TMEM132D: variants seen among roughly 807,000 people sequenced by gnomAD.
TMEM132D encodes the protein mature OL transmembrane protein.
Under a neutral mutation model 62.3 loss-of-function variants are expected in TMEM132D, and 21 were observed. The observed-to-expected ratio is 0.34, with a 90% CI of 0.24 to 0.49. TMEM132D has a LOEUF of 0.49. Among genes scored for constraint, TMEM132D ranks in the 20% least tolerant of loss-of-function variants. The pLI, the probability that TMEM132D is intolerant of heterozygous loss-of-function variation, is 0.99. For synonymous variants in TMEM132D, 621 were observed against 575.6 expected (o/e 1.08, Z -1.13); for missense variants, 1,346 against 1,402.8 (o/e 0.96, Z 0.65).
Position 129,450,430 on chromosome 12 carries a change from C to T in TMEM132D, c.1115+80629G>A, listed in dbSNP as rs563737256. Among the ~76,000 whole-genome samples the T allele has an allele frequency of 5.9e-5, 9 of 152,180 alleles. No individual in the cohort carries two copies. In the South Asian group the frequency reaches 1.9e-3, roughly 32 times the overall value. On this transcript the variant is annotated intron_variant, in intron 3 of 8. Transcript: ENST00000422113. ...TCGTAAGTTTATCTATGTAACAAAC[C>T]TGTACTTGCACCCCTGAACTTAAAA...
intron 1 of TMEM132D, among the ~76,000 whole-genome samples, chr12:129,898,934 A>G (rs567360048): frequency 1.3e-5 from 2 of 152,354 alleles, no homozygotes; most frequent in South Asian, 4.1e-4. Flanking sequence ...CTTACAACTT[A>G]AAGCAACGGA....
intron 5 of TMEM132D, among the ~76,000 whole-genome samples, chr12:129,148,789 G>A (rs11060161): frequency 2.0e-5 from 3 of 152,204 alleles, no homozygotes; most frequent in Non-Finnish European, 4.4e-5. Context: ...TAAGGTGACA[G>A]AGGCTTCCTG....
intron 1 of TMEM132D, among the ~76,000 whole-genome samples, chr12:129,849,038 T>TTGAGTAG: frequency 6.6e-6 from 1 of 152,084 alleles, no homozygotes; most frequent in Admixed American, 6.6e-5. Context: ...CTCCCAAGAC[T>TTGAGTAG]GGAGTAGGGG....
At chr12:129,512,138 C>T (rs1875514216) in intron 3 of TMEM132D, among the ~76,000 whole-genome samples, 1 of 152,166 alleles carries the variant, frequency 6.6e-6, no homozygotes, top group Admixed American at 6.5e-5. Context: ...CTCCTCTTTT[C>T]CTAATAAGAC....
intron 5 of TMEM132D, among the ~76,000 whole-genome samples, chr12:129,125,750 G>C (rs1407774823): frequency 2.0e-5 from 3 of 151,624 alleles, no homozygotes; most frequent in Non-Finnish European, 4.4e-5. Context: ...CGATCCGCTC[G>C]CCTTGGCCTC....
At chr12:129,415,834 C>T (rs950383999) in intron 3 of TMEM132D, among the ~76,000 whole-genome samples, 1 of 152,188 alleles carries the variant, frequency 6.6e-6, no homozygotes, top group African/African-American at 2.4e-5. Flanking sequence ...GACACCAGCA[C>T]CCAACCCTCC....
At chr12:129,495,811 T>C (rs1334724453) in intron 3 of TMEM132D, among the ~76,000 whole-genome samples, 1 of 152,158 alleles carries the variant, frequency 6.6e-6, no homozygotes, top group Non-Finnish European at 1.5e-5. Flanking sequence ...AGAGAGGCAC[T>C]GTTTCAGGTT....
chr12:129,320,973 TCTACCTAC>T (rs764957409), intron 4 of TMEM132D, among the ~76,000 whole-genome samples: 7 of 152,252 alleles, frequency 4.6e-5, no homozygotes, highest in African/African-American at 1.7e-4. Flanking sequence ...AATCTATCTA[TCTACCTAC>T]CTACCTACCT....
At chr12:129,364,566 A>T (rs1258618205) in intron 3 of TMEM132D, among the ~76,000 whole-genome samples, 2 of 152,196 alleles carry the variant, frequency 1.3e-5, no homozygotes, top group Non-Finnish European at 2.9e-5. Context: ...GTTAGTGTTT[A>T]TGGGGGCTAA....
At chr12:129,353,419 C>A (rs142696761) in intron 3 of TMEM132D, among the ~76,000 whole-genome samples, 1 of 151,988 alleles carries the variant, frequency 6.6e-6, no homozygotes, top group South Asian at 2.1e-4. Context: ...CTGAAGGAAC[C>A]CAAACTGTTC....
Position 129,103,551 on chromosome 12 carries a change from G to A in TMEM132D, c.1444-18849C>T, listed in dbSNP as rs60081498. ...CTACTCTTTGTTCCTTCAGCAGCCG[G>A]GATGATGGCTGCTTTATGCATCAGG... is the stretch of plus-strand genomic sequence containing the variant. On this transcript the variant is annotated intron_variant, in intron 5 of 8. Coordinates refer to ENST00000422113, the MANE Select transcript of TMEM132D (RefSeq NM_133448.3). Among the ~76,000 whole-genome samples the A allele has an allele frequency of 4.6e-3, 696 of 152,266 alleles. 6 individuals carry two copies. The highest frequency in any genetic ancestry group is 0.016 in the African/African-American group (668 of 41,554).
intron 2 of TMEM132D, among the ~76,000 whole-genome samples, chr12:129,628,074 G>A (rs1002135051): frequency 6.6e-6 from 1 of 152,196 alleles, no homozygotes; most frequent in African/African-American, 2.4e-5. Context: ...AGACTAAATT[G>A]TAATTTTGGA....
intron 5 of TMEM132D, among the ~76,000 whole-genome samples, chr12:129,088,946 C>T (rs577250692): frequency 2.4e-5 from 1 of 41,650 alleles, no homozygotes; most frequent in Non-Finnish European, 3.9e-5. Context: ...GGGTGTCCTC[C>T]ATGACCGGGT....
At chr12:129,692,538 C>CAT (rs1204921969) in intron 2 of TMEM132D, among the ~76,000 whole-genome samples, 1 of 152,192 alleles carries the variant, frequency 6.6e-6, no homozygotes, top group African/African-American at 2.4e-5. Flanking sequence ...TATATGCATG[C>CAT]ATATGTTCAT....
At chr12:129,648,743 G>C (rs562781591) in intron 2 of TMEM132D, among the ~76,000 whole-genome samples, 4 of 152,206 alleles carry the variant, frequency 2.6e-5, no homozygotes, top group African/African-American at 9.6e-5. Context: ...TTATGAATAC[G>C]CATTTGATTT....
intron 5 of TMEM132D, among the ~76,000 whole-genome samples, chr12:129,184,083 A>G (rs140856393): frequency 6.6e-6 from 1 of 152,202 alleles, no homozygotes; most frequent in African/African-American, 2.4e-5. Flanking sequence ...TGTGTTCCTT[A>G]GGAACGCCCT....
chr12:129,719,977 A>G (rs1182057804), intron 1 of TMEM132D, among the ~76,000 whole-genome samples: 1 of 152,186 alleles, frequency 6.6e-6, no homozygotes, highest in Non-Finnish European at 1.5e-5. Flanking sequence ...CTTTAAAATA[A>G]AAATCTCAAG....
intron 1 of TMEM132D, among the ~76,000 whole-genome samples, chr12:129,813,004 C>G (rs1462330010): frequency 6.6e-6 from 1 of 151,802 alleles, no homozygotes. Flanking sequence ...GCATTTATCC[C>G]GACTCCTGCG....
chr12:129,134,479 GT>G lies in TMEM132D; in HGVS notation c.1444-49778del, dbSNP rs767731027. Among the ~76,000 whole-genome samples, 4 of 152,214 alleles carry G rather than the reference GT, an allele frequency of 2.6e-5. No homozygotes were observed. The East Asian group carries it at 7.7e-4, about 29-fold the overall frequency. On this transcript the variant is annotated intron_variant, in intron 5 of 8. Coordinates refer to ENST00000422113, the MANE Select transcript of TMEM132D (RefSeq NM_133448.3). ...TGTCAATATCCTCAGCTCAAGAGAA[GT>G]TTTATTCATTGACCTCGATGGGGGT...
Sources: gnomAD v4.1 joint callset for allele counts (sites outside exome capture counted in the v4.1 genomes callset) on GRCh38, gnomAD v4.1.1 for gene constraint, MANE v1.5 for transcripts, NCBI Gene and HGNC (gene_info 2026-07-23, HGNC 2026-07-21) for gene names.